SDK1: variants seen among roughly 807,000 people sequenced by gnomAD.
The protein encoded by SDK1 is sidekick cell adhesion molecule 1, also known as protein sidekick-1.
Under a neutral mutation model 245.5 loss-of-function variants are expected in SDK1, and 157 were observed. The ratio of observed to expected loss-of-function variants is 0.64; its 90% confidence interval spans 0.56 to 0.73. The LOEUF (loss-of-function observed/expected upper bound fraction) is 0.73. Ranked by LOEUF, SDK1 falls within the 30% of genes least tolerant of loss-of-function variation. SDK1 has a pLI of 0.00. For synonymous variants in SDK1, 1,647 were observed against 1,278.5 expected, an observed-to-expected ratio of 1.29 and a Z score of -6.15; for missense variants, 3,583 against 3,002.3, an observed-to-expected ratio of 1.19 and a Z score of -4.52.
chr7:3,687,743 A>T (rs1358900380), intron 4 of SDK1, among the ~76,000 whole-genome samples: 1 of 152,214 alleles, frequency 6.6e-6, no homozygotes, highest in East Asian at 1.9e-4. Flanking sequence ...ATAGAGCTGG[A>T]TGCGATCATC....
At chr7:4,076,868 C>G (rs890477029) in intron 20 of SDK1, 130 bp from the exon 21 acceptor site, 2 of 733,786 alleles carry the variant, frequency 2.7e-6, no homozygotes, top group Non-Finnish European at 4.5e-6. Flanking sequence ...AGCACAGTGG[C>G]TCTAAGCTGC....
intron 4 of SDK1, among the ~76,000 whole-genome samples, chr7:3,774,594 A>C (rs1355181716): frequency 2.0e-5 from 3 of 152,208 alleles, no homozygotes; most frequent in African/African-American, 7.2e-5. Flanking sequence ...AGTAGCCTCC[A>C]GAGTTCCAAA....
At chr7:3,450,965 C>T (rs989954006) in intron 1 of SDK1, among the ~76,000 whole-genome samples, 5 of 152,126 alleles carry the variant, frequency 3.3e-5, no homozygotes, top group African/African-American at 1.2e-4. Flanking sequence ...AAACGATAGT[C>T]ATTGCAGTCA....
At chr7:3,551,664 C>T (rs977623271) in intron 1 of SDK1, among the ~76,000 whole-genome samples, 1 of 151,906 alleles carries the variant, frequency 6.6e-6, no homozygotes, top group South Asian at 2.1e-4. Context: ...TAGTTTTATA[C>T]AGCAGAAAAC....
intron 13 of SDK1, among the ~76,000 whole-genome samples, chr7:3,983,158 G>A (rs192310355): frequency 1.2e-4 from 19 of 152,306 alleles, no homozygotes; most frequent in Admixed American, 1.2e-3. Context: ...TTGTTGAAAT[G>A]GCAACAAGGC....
chr7:4,209,174 C>T (rs1178725938), intron 37 of SDK1, among the ~76,000 whole-genome samples: 1 of 152,170 alleles, frequency 6.6e-6, no homozygotes, highest in Non-Finnish European at 1.5e-5. Flanking sequence ...CGCATCTGAG[C>T]TGGAAGGATG....
At chr7:3,811,804 C>G (rs1342403545) in intron 4 of SDK1, among the ~76,000 whole-genome samples, 1 of 152,240 alleles carries the variant, frequency 6.6e-6, no homozygotes, top group Non-Finnish European at 1.5e-5. Flanking sequence ...GCAGAAGCAG[C>G]CATTCTGTTC....
intron 5 of SDK1, among the ~76,000 whole-genome samples, chr7:3,919,534 C>G (rs1779514470): frequency 1.3e-5 from 2 of 152,202 alleles, no homozygotes; most frequent in Non-Finnish European, 2.9e-5. Flanking sequence ...AAAGAGCACC[C>G]TCCCTGGTGA....
intron 17 of SDK1, among the ~76,000 whole-genome samples, chr7:4,028,109 A>T (rs1178464484): frequency 6.6e-6 from 1 of 152,172 alleles, no homozygotes; most frequent in Non-Finnish European, 1.5e-5. Context: ...CTGTGGACCC[A>T]CAGAATCAAC....
chr7:3,909,722 A>T (rs562660219), intron 5 of SDK1, among the ~76,000 whole-genome samples: 1 of 152,260 alleles, frequency 6.6e-6, no homozygotes, highest in East Asian at 1.9e-4. Context: ...ATTTACTACA[A>T]AGAAGCTCAG....
intron 19 of SDK1, among the ~76,000 whole-genome samples, chr7:4,060,132 C>T (rs1035862552): frequency 2.0e-5 from 3 of 152,128 alleles, no homozygotes; most frequent in African/African-American, 4.8e-5. Context: ...CCGCCCGCCT[C>T]GGCCTTCCAA....
At chr7:3,806,761 G>C (rs980946578) in intron 4 of SDK1, among the ~76,000 whole-genome samples, 3 of 151,676 alleles carry the variant, frequency 2.0e-5, no homozygotes, top group African/African-American at 7.3e-5. Context: ...GTTTGTCATG[G>C]AAATGAACTG....
At chr7:3,890,474 A>G (rs181671346) in intron 5 of SDK1, among the ~76,000 whole-genome samples, 41 of 152,288 alleles carry the variant, frequency 2.7e-4, no homozygotes, top group Non-Finnish European at 5.3e-4. Flanking sequence ...TTTGTACTTT[A>G]TTCAACATGG....
At chr7:4,021,308 G>A (rs1186497880) in intron 17 of SDK1, among the ~76,000 whole-genome samples, 1 of 152,182 alleles carries the variant, frequency 6.6e-6, no homozygotes, top group Non-Finnish European at 1.5e-5. Flanking sequence ...GCTTTGAAGA[G>A]TCCTCAGTCA....
chr7:3,926,937 A>G (rs1779791840), intron 5 of SDK1, among the ~76,000 whole-genome samples: 1 of 152,260 alleles, frequency 6.6e-6, no homozygotes, highest in African/African-American at 2.4e-5. Context: ...CTTATGGGAC[A>G]TGAACTTAAT....
Position 3,725,748 on chromosome 7 carries a change from T to C in SDK1, c.713+83643T>C, listed in dbSNP as rs1583346290. 2.6e-5 allele frequency among the ~76,000 whole-genome samples: 4 copies of C among 152,282 alleles called. No homozygotes were observed. In the South Asian group the frequency reaches 8.3e-4, roughly 32 times the overall value. On this transcript the variant is annotated intron_variant, in intron 4 of 44. Transcript: ENST00000404826. ...CCAAGACCACTGGAGAGAAGAAAAT[T>C]GCTAGTACCAGTGTGGGAGTTGTAC...
chr7:3,427,803 C>T (rs1183091154), intron 1 of SDK1, among the ~76,000 whole-genome samples: 15 of 151,576 alleles, frequency 9.9e-5, no homozygotes, highest in African/African-American at 7.3e-5. Context: ...GCTGCCTTCA[C>T]CAAGCTCCTG....
intron 4 of SDK1, among the ~76,000 whole-genome samples, chr7:3,752,631 C>T (rs1011152602): frequency 2.6e-5 from 4 of 152,060 alleles, no homozygotes; most frequent in African/African-American, 4.8e-5. Flanking sequence ...CATGGATTTA[C>T]GTCATCTGAT....
intron 4 of SDK1, among the ~76,000 whole-genome samples, chr7:3,728,133 A>G (rs1028066033): frequency 2.0e-5 from 3 of 152,360 alleles, no homozygotes; most frequent in African/African-American, 7.2e-5. Context: ...CTCTCATACC[A>G]TGTGAAGGGC....
Sources: allele counts gnomAD v4.1 joint callset (sites outside exome capture counted in the v4.1 genomes callset), GRCh38; gene constraint gnomAD v4.1.1; transcripts MANE v1.5; gene names NCBI Gene and HGNC (gene_info 2026-07-23, HGNC 2026-07-21).